The following RANBP17 variants were observed in gnomAD, a reference collection of about 807,000 sequenced individuals.
RANBP17 encodes the protein RAN binding protein 17, also known as ran-binding protein 17.
RANBP17 carries 158 observed loss-of-function variants against 141.2 expected under a neutral mutation model. The observed-to-expected ratio is 1.12, with a 90% CI of 0.98 to 1.28. RANBP17 has a LOEUF of 1.28. RANBP17 is among the 50% of genes most tolerant of loss of function. The pLI, the probability that RANBP17 is intolerant of heterozygous loss-of-function variation, is 0.00. For synonymous variants in RANBP17, 430 were observed against 450.0 expected (o/e 0.96, Z 0.56); for missense variants, 1,438 against 1,290.7 (o/e 1.11, Z -1.75).
At chr5:171,105,366 A>G (rs372831940) in intron 14 of RANBP17, among the ~76,000 whole-genome samples, 2 of 114,966 alleles carry the variant, frequency 1.7e-5, no homozygotes, top group Non-Finnish European at 3.3e-5. Context: ...TGGGCGACAG[A>G]GCGAGACTCC....
At chr5:170,914,506 A>G (rs553512767) in intron 8 of RANBP17, among the ~76,000 whole-genome samples, 45 of 152,238 alleles carry the variant, frequency 3.0e-4, no homozygotes, top group African/African-American at 1.0e-3. Flanking sequence ...ACCAATCCCT[A>G]AATACATATT....
At chr5:171,065,248 C>A (rs1323594806) in intron 14 of RANBP17, among the ~76,000 whole-genome samples, 1 of 152,084 alleles carries the variant, frequency 6.6e-6, no homozygotes. Context: ...CATCCTCAAC[C>A]TTTTTGGCAC....
intron 14 of RANBP17, among the ~76,000 whole-genome samples, chr5:171,041,561 A>C (rs894244203): frequency 2.6e-5 from 4 of 152,096 alleles, no homozygotes; most frequent in African/African-American, 9.7e-5. Flanking sequence ...GTTCTTACAC[A>C]AACCTGGATG....
At chr5:171,135,901 A>G (rs1180320049) in intron 14 of RANBP17, among the ~76,000 whole-genome samples, 1 of 152,196 alleles carries the variant, frequency 6.6e-6, no homozygotes. Flanking sequence ...GGCAACCTCC[A>G]GTGCCGCCTG....
chr5:170,983,964 A>G (rs141943582), intron 14 of RANBP17, among the ~76,000 whole-genome samples: 1 of 152,196 alleles, frequency 6.6e-6, no homozygotes, highest in Non-Finnish European at 1.5e-5. Flanking sequence ...AAAGCTCTAC[A>G]TTGGAAGAAA....
At chr5:170,986,556 A>G (rs1329144245) in intron 14 of RANBP17, among the ~76,000 whole-genome samples, 1 of 151,710 alleles carries the variant, frequency 6.6e-6, no homozygotes, top group Non-Finnish European at 1.5e-5. Flanking sequence ...AATGAACCCC[A>G]TAAACATATA....
chr5:171,140,163 T>C (rs1757592995), intron 14 of RANBP17, among the ~76,000 whole-genome samples: 1 of 152,220 alleles, frequency 6.6e-6, no homozygotes, highest in Non-Finnish European at 1.5e-5. Context: ...GGTTATGTTA[T>C]CTTTTTCTAT....
chr5:170,952,818 T>C (rs986953101), intron 12 of RANBP17, among the ~76,000 whole-genome samples: 3 of 152,048 alleles, frequency 2.0e-5, no homozygotes, highest in Admixed American at 2.0e-4. Context: ...TCAAAAGTAC[T>C]GAAGGATCAC....
intron 14 of RANBP17, among the ~76,000 whole-genome samples, chr5:170,977,335 AAAG>A (rs937383047): frequency 9.2e-5 from 14 of 152,088 alleles, no homozygotes; most frequent in African/African-American, 3.4e-4. Flanking sequence ...ATTAAAAAAA[AAAG>A]ATAATAACAA....
At chr5:171,283,038 T>G (rs1021137145) in intron 25 of RANBP17, among the ~76,000 whole-genome samples, 7 of 152,024 alleles carry the variant, frequency 4.6e-5, no homozygotes, top group Non-Finnish European at 1.0e-4. Context: ...TCTCCAAACC[T>G]TTGCACCTGC....
intron 12 of RANBP17, among the ~76,000 whole-genome samples, chr5:170,944,422 A>T (rs1028228902): frequency 6.6e-6 from 1 of 152,146 alleles, no homozygotes; most frequent in Non-Finnish European, 1.5e-5. Flanking sequence ...GCATGCCACC[A>T]TGCCCAGCTA....
chr5:170,872,690 A>G (rs959236230), intron 1 of RANBP17, among the ~76,000 whole-genome samples: 3 of 152,102 alleles, frequency 2.0e-5, no homozygotes, highest in African/African-American at 7.2e-5. Context: ...TTCCATCAAT[A>G]CCTAGTTTAT....
intron 14 of RANBP17, among the ~76,000 whole-genome samples, chr5:170,989,311 T>C (rs930826409): frequency 1.3e-5 from 2 of 151,770 alleles, no homozygotes; most frequent in Non-Finnish European, 3.0e-5. Flanking sequence ...TTGCTTCCTC[T>C]TCAGTGAATG....
At chr5:171,030,309 A>G (rs1357791941) in intron 14 of RANBP17, among the ~76,000 whole-genome samples, 1 of 152,066 alleles carries the variant, frequency 6.6e-6, no homozygotes, top group East Asian at 1.9e-4. Flanking sequence ...ATTTGGAACC[A>G]TGTTACTGTT....
At chr5:170,890,635 C>CT (rs1327407777) in intron 3 of RANBP17, among the ~76,000 whole-genome samples, 1 of 152,072 alleles carries the variant, frequency 6.6e-6, no homozygotes, top group Non-Finnish European at 1.5e-5. Flanking sequence ...GCATGCTGGC[C>CT]TTTCAGGCCA....
chr5:170,877,778 A>G (rs959584058), intron 1 of RANBP17, among the ~76,000 whole-genome samples: 34 of 152,146 alleles, frequency 2.2e-4, no homozygotes, highest in African/African-American at 8.2e-4. Context: ...AGTCTTTTTA[A>G]AATCTGATTC....
chr5:171,172,908 T>C (rs1162227362), intron 16 of RANBP17, among the ~76,000 whole-genome samples: 1 of 151,948 alleles, frequency 6.6e-6, no homozygotes, highest in African/African-American at 2.4e-5. Context: ...TGCTTTTGAG[T>C]ACTTCTCAAA....
chr5:171,093,896 A>G (rs546725183), intron 14 of RANBP17, among the ~76,000 whole-genome samples: 2 of 152,334 alleles, frequency 1.3e-5, no homozygotes, highest in African/African-American at 4.8e-5. Context: ...GAGGTAATGA[A>G]TGTAAAATAC....
At chr5:171,004,293 G>A (rs188732759) in intron 14 of RANBP17, among the ~76,000 whole-genome samples, 5 of 152,188 alleles carry the variant, frequency 3.3e-5, no homozygotes, top group Admixed American at 2.6e-4. Context: ...TGGGAAGAAG[G>A]GTGGCAATGA....
Sources: allele counts gnomAD v4.1 joint callset (sites outside exome capture counted in the v4.1 genomes callset), GRCh38; gene constraint gnomAD v4.1.1; transcripts MANE v1.5; gene names NCBI Gene and HGNC (gene_info 2026-07-23, HGNC 2026-07-21).